SMAD3: variants seen among roughly 807,000 people sequenced by gnomAD.
SMAD3 encodes the protein SMAD family member 3, also known as MAD homolog 3.
SMAD3 carries 12 observed loss-of-function variants against 51.8 expected under a neutral mutation model. That is an observed-to-expected ratio of 0.23 (90% confidence interval 0.15 to 0.38). The LOEUF (loss-of-function observed/expected upper bound fraction) is 0.38. Among genes scored for constraint, SMAD3 ranks in the 10% least tolerant of loss-of-function variants. The pLI, the probability that SMAD3 is intolerant of heterozygous loss-of-function variation, is 1.00. For synonymous variants in SMAD3, 238 were observed against 227.7 expected, an observed-to-expected ratio of 1.05 and a Z score of -0.41; for missense variants, 294 against 565.6, an observed-to-expected ratio of 0.52 and a Z score of 4.87.
At chr15:67,170,519 T>A in intron 4 of SMAD3, 35 bp from the exon 5 acceptor site, 2 of 1,595,158 alleles carry the variant, frequency 1.3e-6, no homozygotes, top group South Asian at 2.2e-5. Flanking sequence ...GCCAAGAATC[T>A]TTTGTGAAGT....
intron 1 of SMAD3, among the ~76,000 whole-genome samples, chr15:67,084,832 G>A (rs1056655507): frequency 3.9e-5 from 6 of 152,186 alleles, no homozygotes; most frequent in Non-Finnish European, 5.9e-5. Context: ...AATACAGGAA[G>A]GAAGGGAAAC....
At chr15:67,187,189 C>T in intron 7 of SMAD3, 176 bp from the exon 8 acceptor site, 1 of 778,586 alleles carries the variant, frequency 1.3e-6, no homozygotes, top group Non-Finnish European at 2.2e-6. Context: ...CTGGGTTGGC[C>T]TTCCCTTTGC....
intron 1 of SMAD3, among the ~76,000 whole-genome samples, chr15:67,107,982 C>T (rs1960919086): frequency 6.7e-6 from 1 of 148,808 alleles, no homozygotes; most frequent in Non-Finnish European, 1.5e-5. Flanking sequence ...CACCCCCCCA[C>T]CACCTCCCGC....
At chr15:67,086,891 CTCCT>C (rs1219026386) in intron 1 of SMAD3, among the ~76,000 whole-genome samples, 225 of 130,272 alleles carry the variant, frequency 1.7e-3, no homozygotes, top group African/African-American at 6.2e-3. Context: ...TGCATATCTT[CTCCT>C]TTTTTTTTTT....
At chr15:67,182,744 AC>A (rs1963093258) in intron 6 of SMAD3, among the ~76,000 whole-genome samples, 1 of 151,904 alleles carries the variant, frequency 6.6e-6, no homozygotes, top group Admixed American at 6.6e-5. Flanking sequence ...TCAGTGACAG[AC>A]AGCCACCACT....
intron 1 of SMAD3, among the ~76,000 whole-genome samples, chr15:67,110,054 C>T (rs2140233021): frequency 6.6e-6 from 1 of 152,366 alleles, no homozygotes; most frequent in South Asian, 2.1e-4. Flanking sequence ...TAGGAGTTCT[C>T]TGCCTGAAAC....
intron 1 of SMAD3, among the ~76,000 whole-genome samples, chr15:67,089,373 G>A (rs4776887): frequency 0.52 from 79,096 of 152,076 alleles, 20,825 homozygotes; most frequent in South Asian, 0.7. Context: ...GGGGTGATGA[G>A]TCACACCAGT....
intron 4 of SMAD3, among the ~76,000 whole-genome samples, chr15:67,168,146 G>C (rs1962641757): frequency 1.3e-5 from 2 of 152,222 alleles, no homozygotes; most frequent in African/African-American, 4.8e-5. Context: ...GTAGAGACAG[G>C]GTTTCGCCAT....
In SMAD3 at chr15:67,081,910, A is replaced by G. The variant is rs190694441; in HGVS notation, c.206+15550A>G. On this transcript the variant is annotated intron_variant, in intron 1 of 8. Transcript: ENST00000327367. ...TCATCAGGGTGATTAGTATGGAGGTAGGTGCTTAGTAAATTTTATTTGGGT... is the reference window on the plus strand; with the variant it reads ...TCATCAGGGTGATTAGTATGGAGGTGGGTGCTTAGTAAATTTTATTTGGGT... Among the ~76,000 whole-genome samples the G allele has an allele frequency of 1.1e-3, 164 of 152,158 alleles. 1 individual carries two copies. In the Middle Eastern group the frequency reaches 0.027, roughly 25 times the overall value.
At chr15:67,179,241 C>A (rs938522172) in intron 5 of SMAD3, among the ~76,000 whole-genome samples, 1 of 152,192 alleles carries the variant, frequency 6.6e-6, no homozygotes, top group African/African-American at 2.4e-5. Context: ...AGTTAAATAT[C>A]TAGGGCAATG....
rs752776110 is a variant in SMAD3, at chr15:67,187,419, C to T, written c.1064C>T (p.Ser355Leu). The T allele has an allele frequency of 4.3e-6, 7 of 1,614,142 alleles. No individual in the cohort carries two copies. The highest frequency in any genetic ancestry group is 2.2e-5 in the East Asian group (1 of 44,880). Residue 355 changes from serine (S) to leucine (L), a missense_variant, in exon 8 of 9, where the codon TCG becomes TTG. Ser to Leu is a moderately radical substitution (Grantham distance 145). This residue lies in a region of SMAD3 where 118 missense variants were observed against 278.0 expected (regional missense o/e 0.42). Coordinates refer to ENST00000327367, the MANE Select transcript of SMAD3 (RefSeq NM_005902.4). ...NQEFAALLAQ[S>L]VNQGFEAVYQ... ...GAGTTCGCTGCCCTCCTGGCCCAGT[C>T]GGTCAACCAGGGCTTTGAGGCTGTC... is the stretch of plus-strand genomic sequence containing the variant.
intron 1 of SMAD3, among the ~76,000 whole-genome samples, chr15:67,162,140 G>T (rs1305640803): frequency 6.6e-6 from 1 of 152,172 alleles, no homozygotes; most frequent in Non-Finnish European, 1.5e-5. Flanking sequence ...CAGGCCAGTG[G>T]CTTGGAGAGT....
At chr15:67,106,452 C>T (rs2140229464) in intron 1 of SMAD3, among the ~76,000 whole-genome samples, 1 of 152,206 alleles carries the variant, frequency 6.6e-6, no homozygotes, top group African/African-American at 2.4e-5. Flanking sequence ...TAAGAGAGCC[C>T]TTTCTAATTC....
At chr15:67,103,728 G>T (rs1960813253) in intron 1 of SMAD3, among the ~76,000 whole-genome samples, 1 of 152,202 alleles carries the variant, frequency 6.6e-6, no homozygotes, top group South Asian at 2.1e-4. Flanking sequence ...GCACAACAAG[G>T]AGCTGGAACA....
intron 1 of SMAD3, among the ~76,000 whole-genome samples, chr15:67,099,309 G>A (rs946807242): frequency 6.6e-6 from 1 of 152,226 alleles, no homozygotes; most frequent in Non-Finnish European, 1.5e-5. Context: ...CAGCTGCATA[G>A]TATTTTATAG....
intron 1 of SMAD3, chr15:67,077,972 C>G (rs1264481244): frequency 6.6e-6 from 1 of 152,222 alleles, no homozygotes; most frequent in Admixed American, 6.5e-5. Flanking sequence ...ACCACTCTAT[C>G]GTTTCTTGTT....
At chr15:67,179,390 C>T (rs2140311744) in intron 5 of SMAD3, among the ~76,000 whole-genome samples, 1 of 152,280 alleles carries the variant, frequency 6.6e-6, no homozygotes, top group Non-Finnish European at 1.5e-5. Flanking sequence ...TGCTGCTAAA[C>T]ATCCTGCAAT....
intron 1 of SMAD3, among the ~76,000 whole-genome samples, chr15:67,121,438 T>C (rs1444140454): frequency 6.6e-6 from 1 of 152,062 alleles, no homozygotes; most frequent in African/African-American, 2.4e-5. Context: ...CACTCCGTTC[T>C]GGGTGGGCAG....
Position 67,185,023 on chromosome 15 carries a change from T to C in SMAD3, c.1009+159T>C, listed in dbSNP as rs117564349. On this transcript the variant is annotated intron_variant, in intron 7 of 8. Coordinates refer to ENST00000327367, the MANE Select transcript of SMAD3 (RefSeq NM_005902.4). ...TAGGTTTTCTCTATGCCCACAGATCTAACTGTGCTTTCCCTGAACTTCCAG... is the reference window on the plus strand; with the variant it reads ...TAGGTTTTCTCTATGCCCACAGATCCAACTGTGCTTTCCCTGAACTTCCAG... Among the ~76,000 whole-genome samples, 1,626 of 152,352 alleles carry C rather than the reference T, an allele frequency of 0.011. 6 individuals carry two copies. The highest frequency in any genetic ancestry group is 0.017 in the Non-Finnish European group (1,178 of 68,032).
Sources: allele counts gnomAD v4.1 joint callset (sites outside exome capture counted in the v4.1 genomes callset), GRCh38; gene constraint gnomAD v4.1.1; regional missense constraint gnomAD v4.1.1; transcripts MANE v1.5; gene names NCBI Gene and HGNC (gene_info 2026-07-23, HGNC 2026-07-21).